The following CASR variants were observed in gnomAD, a reference collection of about 807,000 sequenced individuals.
CASR encodes the protein extracellular calcium-sensing receptor.
CASR carries 23 observed loss-of-function variants against 69.1 expected under a neutral mutation model. That is an observed-to-expected ratio of 0.33 (90% CI 0.24 to 0.47). CASR has a LOEUF of 0.47. Among genes scored for constraint, CASR ranks in the 20% least tolerant of loss-of-function variants. The pLI is 1.00. For missense variants in CASR, 924 were observed against 1,356.1 expected (o/e 0.68, Z 5.00); for synonymous variants, 541 against 544.7 (o/e 0.99, Z 0.10).
chr3:122,280,541 C>T (rs1222999745), intron 5 of CASR, among the ~76,000 whole-genome samples: 1 of 152,136 alleles, frequency 6.6e-6, no homozygotes, highest in Non-Finnish European at 1.5e-5. Flanking sequence ...CTGAGGATAC[C>T]TTGTCACCAT....
chr3:122,271,582 C>G (rs1465838948), intron 4 of CASR, among the ~76,000 whole-genome samples: 3 of 152,190 alleles, frequency 2.0e-5, no homozygotes, highest in African/African-American at 7.2e-5. Flanking sequence ...TCCATGCCTT[C>G]TTTTTTGCAA....
intron 1 of CASR, among the ~76,000 whole-genome samples, chr3:122,189,963 A>T (rs187481225): frequency 9.2e-5 from 14 of 152,326 alleles, no homozygotes; most frequent in Admixed American, 7.2e-4. Context: ...TCCCAACTGC[A>T]TGTCAGATGT....
At chr3:122,201,838 G>C (rs1204687844) in intron 1 of CASR, among the ~76,000 whole-genome samples, 2 of 150,848 alleles carry the variant, frequency 1.3e-5, no homozygotes, top group African/African-American at 4.9e-5. Flanking sequence ...GGGCAGAGAC[G>C]CTCCTCACTT....
intron 1 of CASR, among the ~76,000 whole-genome samples, chr3:122,235,604 T>C (rs1260375597): frequency 6.6e-6 from 1 of 152,202 alleles, no homozygotes; most frequent in East Asian, 1.9e-4. Flanking sequence ...AGAAGAATCC[T>C]GGGCAATACA....
intron 1 of CASR, among the ~76,000 whole-genome samples, chr3:122,209,817 T>C (rs928307318): frequency 1.3e-5 from 2 of 152,138 alleles, no homozygotes; most frequent in African/African-American, 4.8e-5. Context: ...ATATCCCTGA[T>C]GAACATCAAT....
chr3:122,280,883 G>A (rs865873166), intron 5 of CASR, among the ~76,000 whole-genome samples: 1 of 152,128 alleles, frequency 6.6e-6, no homozygotes, highest in Non-Finnish European at 1.5e-5. Flanking sequence ...TTGTACCTGG[G>A]GTTACAAAGA....
At chr3:122,256,648 C>T (rs570417025) in intron 2 of CASR, among the ~76,000 whole-genome samples, 1 of 152,288 alleles carries the variant, frequency 6.6e-6, no homozygotes, top group South Asian at 2.1e-4. Flanking sequence ...GATGGAGTCT[C>T]ACGCTATCAC....
rs2074098701 is a variant in CASR, at chr3:122,214,627, G to A, written c.-243+30815G>A. ...ACAGGGAAAGATGTACTACTATTCA[G>A]GTAAACTCAATTGTCATTCATTTTG... is the stretch of plus-strand genomic sequence containing the variant. On this transcript the variant is annotated intron_variant, in intron 1 of 6. Coordinates refer to ENST00000639785, the MANE Select transcript of CASR (RefSeq NM_000388.4). Among the ~76,000 whole-genome samples, 3 of 152,256 alleles carry A rather than the reference G, an allele frequency of 2.0e-5. 1 individual carries two copies. In the South Asian group the frequency reaches 6.2e-4, roughly 32 times the overall value.
intron 1 of CASR, among the ~76,000 whole-genome samples, chr3:122,228,278 T>C (rs1336055117): frequency 6.6e-6 from 1 of 152,260 alleles, no homozygotes; most frequent in Admixed American, 6.5e-5. Context: ...TGAAAACAAA[T>C]TAGTTTCACT....
chr3:122,252,418 A>T (rs1242408985), intron 1 of CASR, among the ~76,000 whole-genome samples: 2 of 56,678 alleles, frequency 3.5e-5, no homozygotes, highest in Non-Finnish European at 7.7e-5. Flanking sequence ...AAAAAGAAAG[A>T]AAGAAAGAAA....
chr3:122,193,144 G>A (rs1013836870), intron 1 of CASR, among the ~76,000 whole-genome samples: 5 of 150,012 alleles, frequency 3.3e-5, no homozygotes, highest in Non-Finnish European at 5.9e-5. Flanking sequence ...GAAAATCTTC[G>A]ACCTTTTTTT....
intron 1 of CASR, among the ~76,000 whole-genome samples, chr3:122,219,017 G>A (rs557585796): frequency 2.0e-4 from 30 of 152,286 alleles, no homozygotes; most frequent in African/African-American, 6.7e-4. Flanking sequence ...TGTATTCCAG[G>A]AATAGGTGGG....
chr3:122,191,971 A>G (rs1268214165), intron 1 of CASR, among the ~76,000 whole-genome samples: 2 of 152,234 alleles, frequency 1.3e-5, no homozygotes, highest in Non-Finnish European at 2.9e-5. Context: ...CTGGAAAACA[A>G]TTGCCTTAAA....
chr3:122,282,487 A>G (rs1346629513), intron 6 of CASR, among the ~76,000 whole-genome samples: 1 of 152,224 alleles, frequency 6.6e-6, no homozygotes, highest in African/African-American at 2.4e-5. Context: ...TTGTCGGCCA[A>G]TATATTTCCT....
intron 4 of CASR, among the ~76,000 whole-genome samples, chr3:122,274,554 G>A (rs989117463): frequency 6.6e-6 from 1 of 152,188 alleles, no homozygotes; most frequent in East Asian, 1.9e-4. Flanking sequence ...GATGGACTCA[G>A]CCCAAATGTT....
intron 5 of CASR, among the ~76,000 whole-genome samples, chr3:122,281,230 C>A (rs1164129914): frequency 6.6e-6 from 1 of 152,218 alleles, no homozygotes; most frequent in East Asian, 1.9e-4. Flanking sequence ...CTGGTAAGAA[C>A]ACTGGTAGTC....
intron 5 of CASR, among the ~76,000 whole-genome samples, chr3:122,281,671 AC>A (rs2074889493): frequency 6.6e-6 from 1 of 152,170 alleles, no homozygotes; most frequent in African/African-American, 2.4e-5. Flanking sequence ...AGTGAATAAT[AC>A]TTATAGATTT....
intron 4 of CASR, among the ~76,000 whole-genome samples, chr3:122,275,297 C>T (rs2074803831): frequency 2.6e-5 from 4 of 152,246 alleles, no homozygotes; most frequent in Non-Finnish European, 4.4e-5. Flanking sequence ...TGCCCACAGC[C>T]TCATCTCTTT....
At chr3:122,265,440 C>A (rs1009170459) in intron 4 of CASR, among the ~76,000 whole-genome samples, 1 of 152,340 alleles carries the variant, frequency 6.6e-6, no homozygotes, top group South Asian at 2.1e-4. Context: ...TCCCAGCTCT[C>A]TCTTCACTAC....
Sources: gnomAD v4.1 joint callset for allele counts (sites outside exome capture counted in the v4.1 genomes callset) on GRCh38, gnomAD v4.1.1 for gene constraint, MANE v1.5 for transcripts, NCBI Gene and HGNC (gene_info 2026-07-23, HGNC 2026-07-21) for gene names.